The following SMOC1 variants were observed in gnomAD, a reference collection of about 807,000 sequenced individuals.
SMOC1 encodes the protein SPARC related modular calcium binding 1.
A neutral mutation model predicts 56.3 loss-of-function variants in SMOC1; 22 were observed. That is an observed-to-expected ratio of 0.39 (90% CI 0.28 to 0.56). The LOEUF is 0.56. Ranked by LOEUF, SMOC1 falls within the 20% of genes least tolerant of loss-of-function variation. The pLI, the probability that SMOC1 is intolerant of heterozygous loss-of-function variation, is 0.61. For synonymous variants in SMOC1, 193 were observed against 215.0 expected (o/e 0.90, Z 0.89); for missense variants, 509 against 565.4 (o/e 0.90, Z 1.01).
chr14:69,907,509 C>T (rs926169747), intron 1 of SMOC1, among the ~76,000 whole-genome samples: 1 of 152,116 alleles, frequency 6.6e-6, no homozygotes, highest in Non-Finnish European at 1.5e-5. Context: ...ATTTCAGATC[C>T]CACTTTATCT....
intron 5 of SMOC1, among the ~76,000 whole-genome samples, chr14:69,985,106 A>G (rs192432356): frequency 3.5e-3 from 539 of 152,276 alleles, no homozygotes; most frequent in African/African-American, 0.012. Flanking sequence ...CAATTTCACC[A>G]AGGCAGACAA....
chr14:69,941,408 G>T (rs1185162330), intron 1 of SMOC1, among the ~76,000 whole-genome samples: 1 of 152,166 alleles, frequency 6.6e-6, no homozygotes, highest in African/African-American at 2.4e-5. Flanking sequence ...GTTCTTGGGG[G>T]CTGCTGATGG....
intron 1 of SMOC1, among the ~76,000 whole-genome samples, chr14:69,944,943 T>C (rs1325820731): frequency 2.0e-5 from 3 of 152,224 alleles, no homozygotes; most frequent in Admixed American, 2.0e-4. Flanking sequence ...ACTTTTATTA[T>C]CTAAGAGATA....
At chr14:69,923,235 G>A (rs1252215669) in intron 1 of SMOC1, among the ~76,000 whole-genome samples, 1 of 151,900 alleles carries the variant, frequency 6.6e-6, no homozygotes, top group Non-Finnish European at 1.5e-5. Flanking sequence ...ATGAGCCACT[G>A]CACCCGGCTC....
At chr14:69,953,035 C>T (rs1883060069) in intron 2 of SMOC1, among the ~76,000 whole-genome samples, 1 of 152,202 alleles carries the variant, frequency 6.6e-6, no homozygotes, top group Non-Finnish European at 1.5e-5. Context: ...TGCGCTAGAG[C>T]CTCTGATTTT....
chr14:69,985,150 A>T (rs1884322295), intron 5 of SMOC1, among the ~76,000 whole-genome samples: 1 of 152,230 alleles, frequency 6.6e-6, no homozygotes, highest in Non-Finnish European at 1.5e-5. Flanking sequence ...GAAGAGGCTC[A>T]GCATCATTAG....
At chr14:69,937,068 C>T (rs948008010) in intron 1 of SMOC1, among the ~76,000 whole-genome samples, 17 of 152,230 alleles carry the variant, frequency 1.1e-4, no homozygotes, top group African/African-American at 3.6e-4. Flanking sequence ...TCTTTAGTAC[C>T]GAGTCTTTTG....
chr14:69,957,052 A>G (rs1419127133), intron 3 of SMOC1, among the ~76,000 whole-genome samples: 1 of 152,132 alleles, frequency 6.6e-6, no homozygotes, highest in Non-Finnish European at 1.5e-5. Flanking sequence ...TAAGCTCAGG[A>G]GCTATAGGCT....
At chr14:69,970,104 C>A (rs2086936529) in intron 3 of SMOC1, among the ~76,000 whole-genome samples, 1 of 152,148 alleles carries the variant, frequency 6.6e-6, no homozygotes, top group Admixed American at 6.5e-5. Context: ...GGAAGCAGGG[C>A]AGCCCGCAGC....
At chr14:69,975,131 G>T (rs1369684584) in intron 3 of SMOC1, among the ~76,000 whole-genome samples, 1 of 152,140 alleles carries the variant, frequency 6.6e-6, no homozygotes, top group Non-Finnish European at 1.5e-5. Context: ...ATCACTTGAG[G>T]TGAGGACTTC....
At position 69,885,868 on chromosome 14, in the gene SMOC1, T is replaced by C. The variant is rs1594785695; in HGVS notation, c.99+6091T>C. 5 of 1,601,024 alleles carry C rather than the reference T, an allele frequency of 3.1e-6. No individual in the cohort carries two copies. In the South Asian group the frequency reaches 4.4e-5, roughly 14 times the overall value. ...GGGCCAGCTTAAGCAGCTGAGTAGC[T>C]GTTTGGCGGTCCAGGGCCTGGGTGA... On this transcript the variant is annotated intron_variant, in intron 1 of 11. Coordinates refer to ENST00000361956, the MANE Select transcript of SMOC1 (RefSeq NM_001034852.3).
chr14:69,951,614 A>G (rs975167166), intron 1 of SMOC1, among the ~76,000 whole-genome samples: 13 of 152,224 alleles, frequency 8.5e-5, no homozygotes, highest in African/African-American at 2.7e-4. Flanking sequence ...TCTAATAAAT[A>G]AAACTTTCCC....
intron 1 of SMOC1, among the ~76,000 whole-genome samples, chr14:69,927,069 C>T (rs916113696): frequency 2.6e-5 from 4 of 152,200 alleles, no homozygotes; most frequent in African/African-American, 9.6e-5. Flanking sequence ...GTGGTGGTTC[C>T]GTTATCATGC....
At chr14:69,944,437 A>G (rs1364739293) in intron 1 of SMOC1, among the ~76,000 whole-genome samples, 1 of 152,206 alleles carries the variant, frequency 6.6e-6, no homozygotes, top group Non-Finnish European at 1.5e-5. Context: ...GCAGGCATAC[A>G]TGTATGGATT....
chr14:69,968,521 A>G (rs1342198039), intron 3 of SMOC1, among the ~76,000 whole-genome samples: 2 of 152,318 alleles, frequency 1.3e-5, no homozygotes, highest in Middle Eastern at 6.8e-3. Context: ...GACATCCTAC[A>G]GGGAATGCAG....
At chr14:69,963,808 T>G (rs1883470197) in intron 3 of SMOC1, among the ~76,000 whole-genome samples, 1 of 152,176 alleles carries the variant, frequency 6.6e-6, no homozygotes, top group South Asian at 2.1e-4. Flanking sequence ...AAGAGCAGGG[T>G]CTGACCCATT....
chr14:69,903,158 C>T (rs1028331260), intron 1 of SMOC1, among the ~76,000 whole-genome samples: 14 of 151,980 alleles, frequency 9.2e-5, no homozygotes, highest in African/African-American at 1.9e-4. Flanking sequence ...GCCGCCATCC[C>T]GTCTAGGAAG....
chr14:69,998,434 T>A (rs1884850887), intron 7 of SMOC1, among the ~76,000 whole-genome samples: 1 of 152,046 alleles, frequency 6.6e-6, no homozygotes, highest in Non-Finnish European at 1.5e-5. Flanking sequence ...CTAAGTTTTT[T>A]TTTTTTTTAA....
At chr14:69,895,766 C>T (rs997519991) in intron 1 of SMOC1, among the ~76,000 whole-genome samples, 1 of 152,082 alleles carries the variant, frequency 6.6e-6, no homozygotes, top group East Asian at 1.9e-4. Flanking sequence ...TCTTTCCCCC[C>T]ATCAAGGTAG....
Sources: allele counts gnomAD v4.1 joint callset (sites outside exome capture counted in the v4.1 genomes callset), GRCh38; gene constraint gnomAD v4.1.1; transcripts MANE v1.5; gene names NCBI Gene and HGNC (gene_info 2026-07-23, HGNC 2026-07-21).